RREB1: variants seen among roughly 807,000 people sequenced by gnomAD.
RREB1 encodes the protein ras responsive element binding protein 1, also known as ras-responsive element-binding protein 1.
RREB1 carries 27 observed loss-of-function variants against 117.8 expected under a neutral mutation model. The ratio of observed to expected loss-of-function variants is 0.23; its 90% confidence interval spans 0.17 to 0.32. The LOEUF is 0.32. Among genes scored for constraint, RREB1 ranks in the 10% least tolerant of loss-of-function variants. The pLI is 1.00. For synonymous variants in RREB1, 1,298 were observed against 1,026.7 expected, an observed-to-expected ratio of 1.26 and a Z score of -5.05; for missense variants, 2,577 against 2,378.2, an observed-to-expected ratio of 1.08 and a Z score of -1.74.
intron 1 of RREB1, among the ~76,000 whole-genome samples, chr6:7,161,343 C>T (rs1432314120): frequency 6.6e-6 from 1 of 152,164 alleles, no homozygotes; most frequent in Non-Finnish European, 1.5e-5. Context: ...CCCTCCCAAG[C>T]CTGCAGGTAA....
chr6:7,182,064 G>T lies in RREB1; in HGVS notation c.153G>T (p.Arg51=), dbSNP rs1475193362. 6.2e-7 allele frequency: 1 copy of T among 1,614,062 alleles called. No homozygotes were observed. Among genetic ancestry groups the T allele is most frequent in the Non-Finnish European group, 8.5e-7 (1 of 1,180,034 alleles). The change falls in exon 4 of 13, where the codon CGG becomes CGT. Residue 51 remains arginine, a synonymous_variant. Transcript: ENST00000379938. ...KSPSKPPGPN[R]IGRRNQETKE... is the part of the protein sequence containing the mutation. The stretch of plus-strand genomic sequence containing the variant: ...CCTCGAAGCCTCCAGGACCAAATCG[G>T]ATTGGCAGAAGGAACCAGGTAAGTG...
chr6:7,124,735 A>G (rs1761836043), intron 1 of RREB1, among the ~76,000 whole-genome samples: 1 of 152,220 alleles, frequency 6.6e-6, no homozygotes, highest in Admixed American at 6.5e-5. Context: ...TGTACTAGTT[A>G]CCAGCCGCCT....
At chr6:7,148,291 A>G (rs944277099) in intron 1 of RREB1, among the ~76,000 whole-genome samples, 2 of 152,116 alleles carry the variant, frequency 1.3e-5, no homozygotes, top group Non-Finnish European at 2.9e-5. Flanking sequence ...TTCTGAGGCC[A>G]ATGTTGGGGA....
intron 8 of RREB1, among the ~76,000 whole-genome samples, chr6:7,221,239 G>T (rs1767231680): frequency 6.6e-6 from 1 of 151,982 alleles, no homozygotes; most frequent in Non-Finnish European, 1.5e-5. Flanking sequence ...CGCAATCTCG[G>T]CTCACTGCAA....
intron 3 of RREB1, 123 bp downstream of exon 3, chr6:7,181,369 G>A (rs1387554591): frequency 1.5e-5 from 6 of 400,914 alleles, no homozygotes; most frequent in African/African-American, 1.0e-4. Flanking sequence ...AACTCTGATA[G>A]CGTTGGCTTC....
At chr6:7,233,267 A>C (rs1768111636) in intron 10 of RREB1, among the ~76,000 whole-genome samples, 1 of 152,254 alleles carries the variant, frequency 6.6e-6, no homozygotes, top group Admixed American at 6.5e-5. Flanking sequence ...ATAGGAATAT[A>C]CTTTAAATAA....
chr6:7,158,467 C>T (rs1711765478), intron 1 of RREB1, among the ~76,000 whole-genome samples: 1 of 152,210 alleles, frequency 6.6e-6, no homozygotes, highest in African/African-American at 2.4e-5. Flanking sequence ...CCACTCCACA[C>T]ACACCCTCTG....
chr6:7,164,554 G>C (rs987764922), intron 1 of RREB1, among the ~76,000 whole-genome samples: 7 of 152,190 alleles, frequency 4.6e-5, no homozygotes, highest in Non-Finnish European at 1.0e-4. Flanking sequence ...CTGTCCACTG[G>C]TGTGTGAGTT....
At chr6:7,110,106 A>AT (rs575723200) in intron 1 of RREB1, among the ~76,000 whole-genome samples, 2 of 151,942 alleles carry the variant, frequency 1.3e-5, no homozygotes, top group South Asian at 2.1e-4. Flanking sequence ...TATTTTTGAT[A>AT]TTTTTTTTCC....
intron 3 of RREB1, 156 bp from the exon 4 acceptor site, chr6:7,181,714 C>T: frequency 1.5e-6 from 1 of 677,632 alleles, no homozygotes; most frequent in Admixed American, 2.6e-5. Flanking sequence ...TGAAAGCTTC[C>T]ATCACTCTGG....
intron 2 of RREB1, among the ~76,000 whole-genome samples, chr6:7,177,681 A>AT (rs1159615441): frequency 1.3e-5 from 2 of 151,986 alleles, no homozygotes; most frequent in Non-Finnish European, 2.9e-5. Flanking sequence ...CTACAGACAC[A>AT]TGCTACCATA....
chr6:7,162,702 A>C (rs915110880), intron 1 of RREB1, among the ~76,000 whole-genome samples: 4 of 151,982 alleles, frequency 2.6e-5, no homozygotes, highest in Non-Finnish European at 4.4e-5. Flanking sequence ...TTAAGCCACT[A>C]ATTTTAACAA....
chr6:7,234,608 C>G (rs750056983), intron 10 of RREB1, among the ~76,000 whole-genome samples: 2 of 152,190 alleles, frequency 1.3e-5, no homozygotes, highest in Non-Finnish European at 2.9e-5. Context: ...TAAATATAAA[C>G]ATTCTGCCTC....
At chr6:7,123,608 G>C (rs1165165363) in intron 1 of RREB1, among the ~76,000 whole-genome samples, 1 of 124,580 alleles carries the variant, frequency 8.0e-6, no homozygotes, top group Non-Finnish European at 1.7e-5. Context: ...CATGTGATGT[G>C]TCTTTTTTTT....
intron 6 of RREB1, among the ~76,000 whole-genome samples, chr6:7,207,864 C>T (rs1441709064): frequency 6.6e-6 from 1 of 152,218 alleles, no homozygotes; most frequent in Non-Finnish European, 1.5e-5. Context: ...CAGCATCTCC[C>T]TTGAGGACAG....
intron 9 of RREB1, 75 bp downstream of exon 9, chr6:7,226,731 T>A (rs1366620106): frequency 2.0e-5 from 23 of 1,123,532 alleles, no homozygotes. Context: ...GGGAACTTCC[T>A]CTCCTCAGGG....
chr6:7,248,504 G>T lies in RREB1; in HGVS notation c.4772-7G>T. 6.2e-7 allele frequency: 1 copy of T among 1,613,250 alleles called. No individual in the cohort carries two copies. Among genetic ancestry groups the T allele is most frequent in the Non-Finnish European group, 8.5e-7 (1 of 1,179,244 alleles). On this transcript the variant is annotated splice_polypyrimidine_tract_variant and splice_region_variant and intron_variant, in intron 12 of 12. Transcript: ENST00000379938. Reference sequence around the variant, plus strand: ...GTTAATGGAAATTCTTTCTTCCATTGTTCCAGGGGAAAGGCCATACAAATG... The same window carrying T: ...GTTAATGGAAATTCTTTCTTCCATTTTTCCAGGGGAAAGGCCATACAAATG...
At chr6:7,228,853 C>T in intron 9 of RREB1, 144 bp from the exon 10 acceptor site, 1 of 704,290 alleles carries the variant, frequency 1.4e-6, no homozygotes, top group Non-Finnish European at 2.0e-6. Flanking sequence ...TGCTATATTG[C>T]CCAGGCTGGG....
rs150268146 is a variant in RREB1, at chr6:7,197,103, C to G, written c.425+7781C>G. Among the ~76,000 whole-genome samples the G allele has an allele frequency of 4.3e-3, 654 of 152,262 alleles. 3 individuals are homozygous for G. Among genetic ancestry groups the G allele is most frequent in the African/African-American group, 0.015 (614 of 41,542 alleles). On this transcript the variant is annotated intron_variant, in intron 6 of 12. Coordinates refer to ENST00000379938, the MANE Select transcript of RREB1 (RefSeq NM_001003699.4). ...GCATTGAGCTTTGCAGTTTGCAAAG[C>G]TTGTTCCAGGAAGTGCTGAGCTGCA...
Sources: allele counts gnomAD v4.1 joint callset (sites outside exome capture counted in the v4.1 genomes callset), GRCh38; gene constraint gnomAD v4.1.1; transcripts MANE v1.5; gene names NCBI Gene and HGNC (gene_info 2026-07-23, HGNC 2026-07-21).